The following PLEKHN1 variants were observed in gnomAD, a reference collection of about 807,000 sequenced individuals.
PLEKHN1 encodes the protein pleckstrin homology domain-containing family N member 1.
Under a neutral mutation model 72.8 loss-of-function variants are expected in PLEKHN1, and 68 were observed. The observed-to-expected ratio is 0.93, with a 90% confidence interval of 0.77 to 1.14. The LOEUF (loss-of-function observed/expected upper bound fraction) is 1.14. Ranked by LOEUF, PLEKHN1 falls within the 50% of genes most tolerant of loss-of-function variation. The probability of loss-of-function intolerance (pLI) is 0.00; values close to 1 mark genes in which losing one functional copy is unlikely to be tolerated. For missense variants in PLEKHN1, 1,015 were observed against 840.5 expected (o/e 1.21, Z -2.57); for synonymous variants, 454 against 371.6 (o/e 1.22, Z -2.55).
intron 6 of PLEKHN1, 32 bp downstream of exon 6, chr1:971,038 C>A (rs1243068153): frequency 2.4e-6 from 3 of 1,249,614 alleles, no homozygotes; most frequent in Admixed American, 3.6e-5. Flanking sequence ...CCCCTCCCCA[C>A]CCTGATCCTC....
At position 972,418 on chromosome 1, in the gene PLEKHN1, G is replaced by T; in HGVS notation, c.996G>T (p.Gly332=). ...TGCCTGGTGCCGAGAGCTTCCCAGG[G>T]TCGCAGGTGAGGGGTCAATAGGCCC... ...PPLPGAESFP[G]SQVMGSGRGS... is the part of the protein sequence containing the mutation. The change falls in exon 10 of 16, where the codon GGG becomes GGT. Residue 332 remains glycine, a synonymous_variant. Transcript: ENST00000379410. 2 of 1,573,012 alleles carry T rather than the reference G, an allele frequency of 1.3e-6. No homozygotes were observed. The highest frequency in any genetic ancestry group is 1.7e-6 in the Non-Finnish European group (2 of 1,162,554).
rs1312607955 is a variant in PLEKHN1 at position 974,573 on chromosome 1, T to C, written c.1834T>C (p.Ter612ArgextTer4). Residue 612 changes from the stop codon to arginine, a stop_lost, in exon 16 of 16, where the codon TGA (stop) becomes CGA (arginine). Transcript: ENST00000379410. ...EASGGLVQWI[*>R] ...CAGTGGGGGGCTTGTGCAGTGGATC[T>C]GATGGCCGCGGTGAGGTGGGTTCTC... 2 of 1,610,480 alleles carry C rather than the reference T, an allele frequency of 1.2e-6. No homozygotes were observed. The highest frequency in any genetic ancestry group is 1.7e-6 in the Non-Finnish European group (2 of 1,178,982).
Position 973,520 on chromosome 1 carries a change from G to A in PLEKHN1, c.1314G>A (p.Glu438=), listed in dbSNP as rs1411132493. Residue 438 remains glutamate (E), a synonymous_variant, in exon 13 of 16, where the codon GAG becomes GAA. Transcript: ENST00000379410. ...TGCAGCTGCACAGGCTGAGCCTGGA[G>A]AGCAGCCCAGATGCCCCTGACCACA... is the stretch of plus-strand genomic sequence containing the variant. ...DLTQLHRLSL[E]SSPDAPDHTS... 1.2e-6 allele frequency: 2 copies of A among 1,613,160 alleles called. No homozygotes were observed. The highest frequency in any genetic ancestry group is 1.7e-5 in the Admixed American group (1 of 60,014).
intron 2 of PLEKHN1, among the ~76,000 whole-genome samples, chr1:969,373 GTA>G (rs933948614): frequency 1.9e-3 from 72 of 37,852 alleles, no homozygotes; most frequent in African/African-American, 0.012. Flanking sequence ...GTTTGCACGT[GTA>G]TATGTGTGCA....
chr1:968,345 C>T (rs1643115928), intron 2 of PLEKHN1, among the ~76,000 whole-genome samples: 1 of 152,252 alleles, frequency 6.6e-6, no homozygotes, highest in South Asian at 2.1e-4. Flanking sequence ...GGCCCTGAGC[C>T]TGTGGATCAC....
In PLEKHN1 at chr1:973,854, G is replaced by A. The variant is rs1270086944; in HGVS notation, c.1456G>A (p.Ala486Thr). 3 of 1,610,080 alleles carry A rather than the reference G, an allele frequency of 1.9e-6. No individual in the cohort carries two copies. Among genetic ancestry groups the A allele is most frequent in the Non-Finnish European group, 2.5e-6 (3 of 1,179,826 alleles). ...LEEFLSAMQS[A>T]RGPTPSSPLP... The stretch of plus-strand genomic sequence containing the variant: ...GCAGTTCCTCAGTGCCATGCAGAGT[G>A]CACGTGGACCCACGCCCTCGAGCCC... The change falls in exon 14 of 16, where the codon GCA becomes ACA. Residue 486 changes from alanine to threonine, a missense_variant. By Grantham distance (58) the Ala-to-Thr change is moderately conservative. Transcript: ENST00000379410.
rs761710242 is a variant in PLEKHN1 at position 971,328 on chromosome 1, A to G, written c.713A>G (p.Gln238Arg). The change falls in exon 8 of 16, where the codon CAG becomes CGG. Residue 238 changes from glutamine to arginine, a missense_variant. Physicochemically the swap from Gln to Arg is conservative, Grantham distance 43 (BLOSUM62 1). Transcript: ENST00000379410. ...ACCCCACCCCCACCCACCCAGGAGCAGTGGGACCGGCTCTTGGTCCTGTAC... is the reference window on the plus strand; with the variant it reads ...ACCCCACCCCCACCCACCCAGGAGCGGTGGGACCGGCTCTTGGTCCTGTAC... Reference protein sequence around the residue: ...VKLQHLPAQEQWDRLLVLYPT... With the variant: ...VKLQHLPAQERWDRLLVLYPT... The G allele has an allele frequency of 1.8e-5, 25 of 1,358,542 alleles. No individual in the cohort carries two copies. In the Admixed American group the frequency reaches 4.3e-4, roughly 24 times the overall value. The allele number at this position is 1,358,542 out of a possible 1,614,324, so 84.2% of individuals were successfully genotyped here.
In PLEKHN1 at chr1:970,735, G is replaced by A. The variant is rs375721589; in HGVS notation, c.461G>A (p.Arg154Gln). ...AGTGTCTGCCCGCTCGAGGGGTCCC[G>A]AGAGCACGCCTTCCAGATCACAGGT... Reference protein sequence around the residue: ...ELSVCPLEGSREHAFQITGPL... With the variant: ...ELSVCPLEGSQEHAFQITGPL... Residue 154 changes from arginine (R) to glutamine (Q), a missense_variant, in exon 5 of 16, where the codon CGA becomes CAA. Arg to Gln is a conservative substitution (Grantham distance 43). Coordinates refer to ENST00000379410, the MANE Select transcript of PLEKHN1 (RefSeq NM_032129.3). The surrounding 1 kb of genome is among the most constrained non-coding windows in gnomAD (Gnocchi z 4.2). 8.0e-5 allele frequency: 128 copies of A among 1,608,408 alleles called. No homozygotes were observed. In the South Asian group the frequency reaches 9.8e-4, roughly 12 times the overall value.
In PLEKHN1 at chr1:970,205, G is replaced by C. The variant is rs1643231617; in HGVS notation, c.184-72G>C. 13 of 1,531,090 alleles carry C rather than the reference G, an allele frequency of 8.5e-6. No individual in the cohort carries two copies. Among genetic ancestry groups the C allele is most frequent in the African/African-American group, 1.4e-5 (1 of 72,362 alleles). 94.8% of individuals were successfully genotyped at this position (1,531,090 alleles called of 1,614,324 possible). A position where few individuals can be genotyped will look rare whatever the true frequency, so the allele number is the denominator to read the frequency against. ...AGGCAGACCATGCTATAGTCCTGTA[G>C]CTGTGTGGATGCGAGCGGAGGGGGT... On this transcript the variant is annotated intron_variant, in intron 2 of 15. Coordinates refer to ENST00000379410, the MANE Select transcript of PLEKHN1 (RefSeq NM_032129.3). This position sits in a 1 kb window ranked among gnomAD's most constrained non-coding sequence, Gnocchi z 4.2.
At position 970,619 on chromosome 1, in the gene PLEKHN1, G is replaced by A; in HGVS notation, c.411+18G>A. On this transcript the variant is annotated intron_variant, in intron 4 of 15. Transcript: ENST00000379410. The surrounding 1 kb of genome is among the most constrained non-coding windows in gnomAD (Gnocchi z 4.2). Reference sequence around the variant, plus strand: ...CATTTCAGGTGAGGCGGTGGGCAATGGGGTGGGGCCATGGCCGCCCTTCCC... The same window carrying A: ...CATTTCAGGTGAGGCGGTGGGCAATAGGGTGGGGCCATGGCCGCCCTTCCC... 1 of 1,610,574 alleles carries A rather than the reference G, an allele frequency of 6.2e-7. No individual in the cohort carries two copies.
intron 8 of PLEKHN1, 63 bp from the exon 9 acceptor site, chr1:972,012 G>GAGGCC: frequency 6.7e-7 from 1 of 1,487,138 alleles, no homozygotes; most frequent in Non-Finnish European, 9.2e-7. Context: ...AGGGTGGGAT[G>GAGGCC]AGGCCAGGCG....
rs779526083 is a variant in PLEKHN1, at chr1:972,942, C to T, written c.1084C>T (p.Arg362Cys). 48 of 1,568,070 alleles carry T rather than the reference C, an allele frequency of 3.1e-5. 1 individual carries two copies. The Middle Eastern group carries it at 5.1e-4, about 17-fold the overall frequency. The change falls in exon 11 of 16, where the codon CGC becomes TGC. Residue 362 changes from arginine (R) to cysteine (C), a missense_variant. Arg to Cys is a radical substitution (Grantham distance 180). Transcript: ENST00000379410. ...DSGCLAPPST[R>C]TSHSLPESSV... ...GGGGTGCTTGGCGCCCCCCTCCACC[C>T]GCACCAGCCACTCCCTGCCTGAGTC...
At chr1:972,211 G>C in intron 9 of PLEKHN1, 61 bp downstream of exon 9, 1 of 1,602,984 alleles carries the variant, frequency 6.2e-7, no homozygotes, top group Non-Finnish European at 8.5e-7. Flanking sequence ...GCGGGAGCCT[G>C]GGGGACGCCC....
rs1353686601 is a variant in PLEKHN1 at position 970,714 on chromosome 1, T to G, written c.440T>G (p.Val147Gly). The G allele has an allele frequency of 6.2e-7, 1 of 1,600,854 alleles. No homozygotes were observed. Among genetic ancestry groups the G allele is most frequent in the Admixed American group, 1.7e-5 (1 of 59,508 alleles). The part of the protein sequence containing the change: ...QGLLPLTELS[V>G]CPLEGSREHA... ...CTGTTACCGCTGACGGAGCTGAGTGTCTGCCCGCTCGAGGGGTCCCGAGAG... is the reference window on the plus strand; with the variant it reads ...CTGTTACCGCTGACGGAGCTGAGTGGCTGCCCGCTCGAGGGGTCCCGAGAG... The change falls in exon 5 of 16, where the codon GTC becomes GGC. Residue 147 changes from valine (V) to glycine (G), a missense_variant. Coordinates refer to ENST00000379410, the MANE Select transcript of PLEKHN1 (RefSeq NM_032129.3). The surrounding 1 kb of genome is among the most constrained non-coding windows in gnomAD (Gnocchi z 4.2).
rs62639981 is a variant in PLEKHN1, at chr1:966,728, C to T, written c.108C>T (p.Ala36=). 0.018 allele frequency: 29,005 copies of T among 1,573,052 alleles called. 385 individuals are homozygous for T. The highest frequency in any genetic ancestry group is 0.024 in the Middle Eastern group (143 of 5,988). ...GAGAGGACAGCGCGCGGATGTCGGC[C>T]GGCCTGCCGGGCCCCGAGGCTGCTC... ...GNREDSARMS[A]GLPGPEAARS... is the part of the protein sequence containing the mutation. Residue 36 remains alanine, a synonymous_variant, in exon 2 of 16, where the codon GCC becomes GCT. Transcript: ENST00000379410.
chr1:974,251 G>A, intron 14 of PLEKHN1, 65 bp from the exon 15 acceptor site: 1 of 1,607,752 alleles, frequency 6.2e-7, no homozygotes, highest in South Asian at 1.1e-5. Flanking sequence ...CACAGTGACA[G>A]GCCGCCTCCA....
At chr1:972,803 C>T in intron 10 of PLEKHN1, 58 bp from the exon 11 acceptor site, 1 of 1,375,242 alleles carries the variant, frequency 7.3e-7, no homozygotes, top group Non-Finnish European at 9.6e-7. Context: ...TGGGTCCAGG[C>T]AGGGGCGGGT....
Position 970,430 on chromosome 1 carries a change from G to A in PLEKHN1, c.330+7G>A. The A allele has an allele frequency of 6.2e-7, 1 of 1,613,232 alleles. No homozygotes were observed. The highest frequency in any genetic ancestry group is 1.1e-5 in the South Asian group (1 of 91,080). On this transcript the variant is annotated splice_region_variant and intron_variant, in intron 3 of 15. Coordinates refer to ENST00000379410, the MANE Select transcript of PLEKHN1 (RefSeq NM_032129.3). This position sits in a 1 kb window ranked among gnomAD's most constrained non-coding sequence, Gnocchi z 4.2. Reference sequence around the variant, plus strand: ...GCGGTTCCAGCACAGCCAGGTGGGGGCCGGGCTGGGTGGAGCACGCTAAGG... The same window carrying A: ...GCGGTTCCAGCACAGCCAGGTGGGGACCGGGCTGGGTGGAGCACGCTAAGG...
Position 973,637 on chromosome 1 carries a change from G to A in PLEKHN1, c.1431G>A (p.Glu477=), listed in dbSNP as rs943727661. Residue 477 remains glutamate (E), a synonymous_variant, in exon 13 of 16, where the codon GAG becomes GAA. Coordinates refer to ENST00000379410, the MANE Select transcript of PLEKHN1 (RefSeq NM_032129.3). ...GGGTCACAGATGTCCGGGGCCTGGA[G>A]GAGGTCAGGCCCCTGCTGGGTGACA... ...HRRVTDVRGL[E]EFLSAMQSAR... 6.2e-7 allele frequency: 1 copy of A among 1,612,446 alleles called. No homozygotes were observed. Among genetic ancestry groups the A allele is most frequent in the East Asian group, 2.2e-5 (1 of 44,876 alleles).
Sources: gnomAD v4.1 joint callset for allele counts (sites outside exome capture counted in the v4.1 genomes callset) on GRCh38, gnomAD v4.1.1 for gene constraint, Gnocchi (gnomAD v3.1) non-coding constraint, MANE v1.5 for transcripts, NCBI Gene and HGNC (gene_info 2026-07-23, HGNC 2026-07-21) for gene names.